The following RBM46 variants were observed in gnomAD, a reference collection of about 807,000 sequenced individuals.
RBM46 encodes probable RNA-binding protein 46.
In RBM46, 12 loss-of-function variants were observed where a neutral mutation model predicts 43.3. The ratio of observed to expected loss-of-function variants is 0.28; its 90% confidence interval spans 0.18 to 0.45. The LOEUF (loss-of-function observed/expected upper bound fraction) is 0.45. Ranked by LOEUF, RBM46 falls within the 20% of genes least tolerant of loss-of-function variation. The probability of loss-of-function intolerance (pLI) is 1.00; values close to 1 mark genes in which losing one functional copy is unlikely to be tolerated. For synonymous variants in RBM46, 205 were observed against 207.6 expected (o/e 0.99, Z 0.11); for missense variants, 412 against 639.1 (o/e 0.64, Z 3.83).
chr4:154,823,467 A>G (rs1416482847), intron 4 of RBM46, among the ~76,000 whole-genome samples: 2 of 151,884 alleles, frequency 1.3e-5, no homozygotes, highest in African/African-American at 4.8e-5. Context: ...TTTAAATGAA[A>G]AATTAGTCTA....
At chr4:154,801,886 T>A (rs1279585178) in intron 4 of RBM46, among the ~76,000 whole-genome samples, 1 of 152,156 alleles carries the variant, frequency 6.6e-6, no homozygotes, top group Non-Finnish European at 1.5e-5. Context: ...TATGGTTAAT[T>A]AGTGATCAAG....
chr4:154,789,356 CT>C (rs1733960524), intron 1 of RBM46, among the ~76,000 whole-genome samples: 1 of 152,108 alleles, frequency 6.6e-6, no homozygotes, highest in African/African-American at 2.4e-5. Flanking sequence ...CCATCAATAC[CT>C]AATTTATTGA....
chr4:154,793,103 AAC>A (rs962598486), intron 1 of RBM46, among the ~76,000 whole-genome samples: 2 of 152,230 alleles, frequency 1.3e-5, no homozygotes, highest in African/African-American at 2.4e-5. Context: ...TCTTTAAAAC[AAC>A]ACACAGTTGA....
In RBM46 at chr4:154,798,781, G is replaced by T; in HGVS notation, c.620-1G>T. The T allele has an allele frequency of 2.1e-6, 3 of 1,451,086 alleles. No individual in the cohort carries two copies. Among genetic ancestry groups the T allele is most frequent in the Middle Eastern group, 1.9e-4 (1 of 5,316 alleles). The allele number at this position is 1,451,086 out of a possible 1,614,324, so 89.9% of individuals were successfully genotyped here. A position where few individuals can be genotyped will look rare whatever the true frequency, so the allele number is the denominator to read the frequency against. On this transcript the variant is annotated splice_acceptor_variant, in intron 3 of 4. Coordinates refer to ENST00000281722, the MANE Select transcript of RBM46 (RefSeq NM_144979.5). LOFTEE classifies it high-confidence loss of function. Reference sequence around the variant, plus strand: ...TTCAAATTATTATTTTTTTTTTACAGGAACATTCCAACTATGGGGCCACAC... The same window carrying T: ...TTCAAATTATTATTTTTTTTTTACATGAACATTCCAACTATGGGGCCACAC...
rs1224996955 is a variant in RBM46 at position 154,781,431 on chromosome 4, G to A, written c.-17G>A. 1 of 152,352 alleles carries A rather than the reference G, an allele frequency of 6.6e-6. No individual in the cohort carries two copies. Among genetic ancestry groups the A allele is most frequent in the East Asian group, 1.9e-4 (1 of 5,176 alleles). 9.4% of individuals were successfully genotyped at this position (152,352 alleles called of 1,614,324 possible). On this transcript the variant is annotated 5_prime_UTR_variant, in exon 1 of 5. Transcript: ENST00000281722. ...ATTTAGGACCAACATTTGAAGACCC[G>A]AAGGGGTGAGGAGGGGAAAGGGGAA...
chr4:154,792,702 A>G lies in RBM46; in HGVS notation c.-11-4040A>G, dbSNP rs147545793. Reference sequence around the variant, plus strand: ...AGGGTTTTCCTGGAGAATATTAGGAATAGGAAAGGCCAAGAAAGTAGAGAA... The same window carrying G: ...AGGGTTTTCCTGGAGAATATTAGGAGTAGGAAAGGCCAAGAAAGTAGAGAA... On this transcript the variant is annotated intron_variant, in intron 1 of 4. Coordinates refer to ENST00000281722, the MANE Select transcript of RBM46 (RefSeq NM_144979.5). Among the ~76,000 whole-genome samples the G allele has an allele frequency of 3.0e-4, 46 of 152,306 alleles. No homozygotes were observed. The East Asian group carries it at 8.5e-3, about 28-fold the overall frequency.
chr4:154,789,283 G>A (rs937597006), intron 1 of RBM46, among the ~76,000 whole-genome samples: 27 of 152,104 alleles, frequency 1.8e-4, no homozygotes, highest in African/African-American at 6.5e-4. Context: ...TCCAGTGTTC[G>A]CCCATTCAGT....
At chr4:154,790,819 A>C (rs1734050107) in intron 1 of RBM46, among the ~76,000 whole-genome samples, 1 of 152,224 alleles carries the variant, frequency 6.6e-6, no homozygotes, top group Non-Finnish European at 1.5e-5. Context: ...AAAAGATCAG[A>C]CGGGAGGTAG....
At chr4:154,813,341 G>T (rs1013559162) in intron 4 of RBM46, among the ~76,000 whole-genome samples, 2 of 151,986 alleles carry the variant, frequency 1.3e-5, no homozygotes, top group Non-Finnish European at 2.9e-5. Flanking sequence ...GCTAATGTTG[G>T]AGGTTTCAAA....
Position 154,790,049 on chromosome 4 carries a change from ATTC to A in RBM46, c.-11-6688_-11-6686del, listed in dbSNP as rs368495676. Among the ~76,000 whole-genome samples, 37 of 151,328 alleles carry A rather than the reference ATTC, an allele frequency of 2.4e-4. 1 individual carries two copies. The South Asian group carries it at 4.0e-3, about 16-fold the overall frequency. On this transcript the variant is annotated intron_variant, in intron 1 of 4. Coordinates refer to ENST00000281722, the MANE Select transcript of RBM46 (RefSeq NM_144979.5). ...CCTTTATCATTTTTTATTGCATTTGATTCTTCTCTCTTTTCTTCTTTATTAGTC... is the reference window on the plus strand; with the variant it reads ...CCTTTATCATTTTTTATTGCATTTGATTCTCTCTTTTCTTCTTTATTAGTC...
At chr4:154,814,141 C>T (rs1016804716) in intron 4 of RBM46, among the ~76,000 whole-genome samples, 2 of 151,872 alleles carry the variant, frequency 1.3e-5, no homozygotes, top group African/African-American at 4.8e-5. Flanking sequence ...CTTATTCCTG[C>T]ATAACTTATA....
At chr4:154,796,138 GC>G (rs774742410) in intron 1 of RBM46, among the ~76,000 whole-genome samples, 75 of 152,294 alleles carry the variant, frequency 4.9e-4, no homozygotes, top group Admixed American at 8.5e-4. Context: ...CTGCACTCTA[GC>G]CTGGGTGACA....
At chr4:154,786,540 T>C (rs778574034) in intron 1 of RBM46, among the ~76,000 whole-genome samples, 4 of 152,158 alleles carry the variant, frequency 2.6e-5, no homozygotes, top group Admixed American at 6.5e-5. Flanking sequence ...AATACAGACA[T>C]AAGACTTTTC....
chr4:154,808,004 T>C (rs1379799476), intron 4 of RBM46, among the ~76,000 whole-genome samples: 1 of 152,002 alleles, frequency 6.6e-6, no homozygotes, highest in Non-Finnish European at 1.5e-5. Flanking sequence ...TTGCTTTGAT[T>C]CAGTAAATAT....
rs114363572 is a variant in RBM46, at chr4:154,826,502, C to T, written c.1403-1366C>T. Among the ~76,000 whole-genome samples, 1,120 of 151,976 alleles carry T rather than the reference C, an allele frequency of 7.4e-3. 11 individuals are homozygous for T. The highest frequency in any genetic ancestry group is 8.7e-3 in the Non-Finnish European group (590 of 67,948). On this transcript the variant is annotated intron_variant, in intron 4 of 4. Coordinates refer to ENST00000281722, the MANE Select transcript of RBM46 (RefSeq NM_144979.5). ...AAATAAATAAATAAATTGTATGGTA[C>T]GTAGAGTCATCCTACTTTGGATGTT...
chr4:154,815,649 GGTTT>G (rs1176021449), intron 4 of RBM46, among the ~76,000 whole-genome samples: 16 of 151,592 alleles, frequency 1.1e-4, no homozygotes, highest in African/African-American at 3.6e-4. Context: ...TCATTTTATT[GGTTT>G]GTCTGTTTTT....
chr4:154,817,196 T>TATA (rs1165859790), intron 4 of RBM46, among the ~76,000 whole-genome samples: 1 of 152,146 alleles, frequency 6.6e-6, no homozygotes, highest in Admixed American at 6.6e-5. Context: ...AAGATTGGTG[T>TATA]TACATCGTTT....
intron 1 of RBM46, among the ~76,000 whole-genome samples, chr4:154,783,545 T>C (rs1733610466): frequency 6.6e-6 from 1 of 152,222 alleles, no homozygotes; most frequent in Non-Finnish European, 1.5e-5. Context: ...GTGATCTCTA[T>C]GTTCAAATTG....
At chr4:154,820,527 T>C (rs911394034) in intron 4 of RBM46, 3 of 591,174 alleles carry the variant, frequency 5.1e-6, no homozygotes, top group East Asian at 6.3e-5. Flanking sequence ...AATGAAACTT[T>C]ATGAAGTATT....
Sources: allele counts gnomAD v4.1 joint callset (sites outside exome capture counted in the v4.1 genomes callset), GRCh38; gene constraint gnomAD v4.1.1; transcripts MANE v1.5; gene names NCBI Gene and HGNC (gene_info 2026-07-23, HGNC 2026-07-21).